Variants in MAPK10 observed in about 807,000 individuals in gnomAD.
MAPK10 encodes the protein mitogen-activated protein kinase 10.
In MAPK10, 25 loss-of-function variants were observed where a neutral mutation model predicts 59.3. That is an observed-to-expected ratio of 0.42 (90% CI 0.31 to 0.59). The LOEUF is 0.59. Among genes scored for constraint, MAPK10 ranks in the 20% least tolerant of loss-of-function variants. The pLI, the probability that MAPK10 is intolerant of heterozygous loss-of-function variation, is 0.15. For synonymous variants in MAPK10, 190 were observed against 200.5 expected (o/e 0.95, Z 0.44); for missense variants, 351 against 568.9 (o/e 0.62, Z 3.90).
intron 2 of MAPK10, chr4:86,276,904 A>G (rs561044446): frequency 2.0e-5 from 3 of 152,308 alleles, no homozygotes; most frequent in South Asian, 2.1e-4. Flanking sequence ...AAGTCTGTCT[A>G]TGAGTCTATG....
intron 2 of MAPK10, among the ~76,000 whole-genome samples, chr4:86,309,254 C>CCCACATT (rs1649635941): frequency 6.6e-6 from 1 of 152,086 alleles, no homozygotes; most frequent in Admixed American, 6.6e-5. Flanking sequence ...GTAAAGCAGT[C>CCCACATT]CCACATTCCC....
chr4:86,384,466 C>T (rs557695313), intron 1 of MAPK10, among the ~76,000 whole-genome samples: 4 of 152,170 alleles, frequency 2.6e-5, no homozygotes, highest in African/African-American at 7.2e-5. Flanking sequence ...AGGACTCCCC[C>T]GAACTTTATT....
intron 1 of MAPK10, among the ~76,000 whole-genome samples, chr4:86,534,740 T>C (rs1564999838): frequency 6.6e-6 from 1 of 151,962 alleles, no homozygotes; most frequent in African/African-American, 2.4e-5. Flanking sequence ...AATCCATCTC[T>C]ACTAAAAATA....
intron 4 of MAPK10, chr4:86,123,821 C>T (rs1198389417): frequency 6.6e-6 from 1 of 152,052 alleles, no homozygotes; most frequent in Non-Finnish European, 1.5e-5. Flanking sequence ...CTCCCAACTT[C>T]TTAAATATAT....
intron 1 of MAPK10, among the ~76,000 whole-genome samples, chr4:86,431,657 G>A (rs1254370841): frequency 1.3e-5 from 2 of 152,204 alleles, no homozygotes; most frequent in Admixed American, 1.3e-4. Flanking sequence ...GCTGGTCAGC[G>A]TAGCCTTTGG....
chr4:86,417,371 C>T (rs553317651), intron 1 of MAPK10, among the ~76,000 whole-genome samples: 55 of 152,124 alleles, frequency 3.6e-4, no homozygotes, highest in African/African-American at 1.3e-3. Context: ...TGCTTTGATT[C>T]TCCTTGGCAG....
chr4:86,022,652 A>C (rs1370516110), intron 13 of MAPK10, among the ~76,000 whole-genome samples: 1 of 152,028 alleles, frequency 6.6e-6, no homozygotes, highest in Non-Finnish European at 1.5e-5. Flanking sequence ...CTACAGGCAC[A>C]TACCACCACA....
chr4:86,230,681 A>C (rs2091410390), intron 2 of MAPK10, among the ~76,000 whole-genome samples: 1 of 152,214 alleles, frequency 6.6e-6, no homozygotes, highest in African/African-American at 2.4e-5. Flanking sequence ...CTAATTTATA[A>C]ATTATTTCTT....
intron 11 of MAPK10, among the ~76,000 whole-genome samples, chr4:86,058,502 CT>C (rs2045089778): frequency 6.7e-6 from 1 of 149,276 alleles, no homozygotes; most frequent in Non-Finnish European, 1.5e-5. Context: ...TCTCCCCACC[CT>C]TTTCTCTAGA....
intron 1 of MAPK10, among the ~76,000 whole-genome samples, chr4:86,425,535 T>C (rs560082572): frequency 5.3e-4 from 81 of 152,350 alleles, no homozygotes; most frequent in Non-Finnish European, 7.8e-4. Flanking sequence ...AGACCTTCTT[T>C]AAACCATCCA....
At chr4:86,520,181 GT>G (rs1205843629) in intron 1 of MAPK10, among the ~76,000 whole-genome samples, 1 of 152,130 alleles carries the variant, frequency 6.6e-6, no homozygotes, top group Non-Finnish European at 1.5e-5. Flanking sequence ...AACCAGGGAA[GT>G]TTTCCTCGAT....
chr4:86,489,689 C>A (rs973462565), intron 1 of MAPK10, among the ~76,000 whole-genome samples: 3 of 152,106 alleles, frequency 2.0e-5, no homozygotes, highest in Admixed American at 2.0e-4. Flanking sequence ...AAGCACCCAT[C>A]ATTATATCCC....
At chr4:86,576,009 G>GTA (rs1197199300) in intron 1 of MAPK10, among the ~76,000 whole-genome samples, 2 of 151,702 alleles carry the variant, frequency 1.3e-5, no homozygotes, top group Admixed American at 6.6e-5. Context: ...GTGTGTGTGT[G>GTA]TGTGTGTGTG....
Position 86,017,225 on chromosome 4 carries a change from TA to T in MAPK10, c.*2del. 6.2e-7 allele frequency: 1 copy of T among 1,613,790 alleles called. No individual in the cohort carries two copies. Among genetic ancestry groups the T allele is most frequent in the Non-Finnish European group, 8.5e-7 (1 of 1,179,944 alleles). Reference sequence around the variant, plus strand: ...ACGCTGGGTTTCGCAGGCAGGCGGCTAGTCACCTGCAACAACCCAGGGGTCC... The same window carrying T: ...ACGCTGGGTTTCGCAGGCAGGCGGCTGTCACCTGCAACAACCCAGGGGTCC... On this transcript the variant is annotated 3_prime_UTR_variant, in exon 14 of 14. Coordinates refer to ENST00000641462, the MANE Select transcript of MAPK10 (RefSeq NM_138982.4). This position sits in a 1 kb window ranked among gnomAD's most constrained non-coding sequence, Gnocchi z 4.4.
At chr4:86,489,655 T>C (rs1481109523) in intron 1 of MAPK10, among the ~76,000 whole-genome samples, 7 of 152,108 alleles carry the variant, frequency 4.6e-5, no homozygotes, top group Non-Finnish European at 1.0e-4. Flanking sequence ...GTTTGTCCCT[T>C]TTTTTTCTCC....
At chr4:86,027,864 A>C (rs6531896) in intron 13 of MAPK10, 72,792 of 152,006 alleles carry the variant, frequency 0.48, 18,571 homozygotes, top group African/African-American at 0.66. Flanking sequence ...AGATCCTATT[A>C]TTTGGGAAGA....
intron 1 of MAPK10, among the ~76,000 whole-genome samples, chr4:86,516,582 C>T (rs1313995683): frequency 1.3e-5 from 2 of 152,002 alleles, no homozygotes; most frequent in Non-Finnish European, 2.9e-5. Context: ...TGGTTTTCTT[C>T]GTAAAGATCT....
chr4:86,384,350 T>C (rs1741179082), intron 1 of MAPK10: 1 of 152,112 alleles, frequency 6.6e-6, no homozygotes, highest in South Asian at 2.1e-4. Flanking sequence ...ACAAGAACGC[T>C]GAGATGGGAC....
At chr4:86,063,173 T>C (rs2046055597) in intron 11 of MAPK10, among the ~76,000 whole-genome samples, 1 of 152,204 alleles carries the variant, frequency 6.6e-6, no homozygotes, top group South Asian at 2.1e-4. Context: ...AAAGTTCAAT[T>C]CTACCTAGTT....
Sources: allele counts gnomAD v4.1 joint callset (sites outside exome capture counted in the v4.1 genomes callset), GRCh38; gene constraint gnomAD v4.1.1; non-coding constraint Gnocchi (gnomAD v3.1); transcripts MANE v1.5; gene names NCBI Gene and HGNC (gene_info 2026-07-23, HGNC 2026-07-21).